The following CPQ variants were observed in gnomAD, a reference collection of about 807,000 sequenced individuals.
The protein encoded by CPQ is carboxypeptidase Q.
A neutral mutation model predicts 45.7 loss-of-function variants in CPQ; 37 were observed. That is an observed-to-expected ratio of 0.81 (90% CI 0.62 to 1.07). The LOEUF (loss-of-function observed/expected upper bound fraction) is 1.07. Among genes scored for constraint, CPQ ranks in the 50% least tolerant of loss-of-function variants. CPQ has a pLI of 0.00. For synonymous variants in CPQ, 186 were observed against 205.8 expected, an observed-to-expected ratio of 0.90 and a Z score of 0.82; for missense variants, 537 against 572.9, an observed-to-expected ratio of 0.94 and a Z score of 0.64.
chr8:96,955,689 G>A (rs1336732646), intron 4 of CPQ, among the ~76,000 whole-genome samples: 1 of 152,078 alleles, frequency 6.6e-6, no homozygotes, highest in African/African-American at 2.4e-5. Flanking sequence ...TAGACCAATG[G>A]AACAGAACAG....
intron 2 of CPQ, among the ~76,000 whole-genome samples, chr8:96,807,223 T>G (rs546528267): frequency 2.9e-5 from 3 of 103,856 alleles, no homozygotes; most frequent in South Asian, 2.6e-4. Context: ...AAAACTGCTG[T>G]TTTTTTTTTA....
chr8:96,847,758 GTTAA>G (rs1175000811), intron 3 of CPQ, among the ~76,000 whole-genome samples: 1 of 150,580 alleles, frequency 6.6e-6, no homozygotes, highest in Non-Finnish European at 1.5e-5. Context: ...CATAATTGCT[GTTAA>G]TTGTTAAAAT....
chr8:97,006,671 CAA>C (rs1391871046), intron 5 of CPQ, among the ~76,000 whole-genome samples: 1 of 152,086 alleles, frequency 6.6e-6, no homozygotes, highest in Non-Finnish European at 1.5e-5. Flanking sequence ...GTAAGGAAAA[CAA>C]AATACTTATT....
chr8:96,895,340 T>C (rs1812430353), intron 4 of CPQ, among the ~76,000 whole-genome samples: 1 of 152,238 alleles, frequency 6.6e-6, no homozygotes. Flanking sequence ...TTTTCTTCTA[T>C]GAGTATCTTT....
intron 2 of CPQ, among the ~76,000 whole-genome samples, chr8:96,795,353 G>A (rs1462458600): frequency 1.3e-5 from 2 of 152,074 alleles, no homozygotes; most frequent in South Asian, 2.1e-4. Context: ...CACCAGAAGA[G>A]CACAGGAAGC....
intron 4 of CPQ, among the ~76,000 whole-genome samples, chr8:96,963,701 C>T (rs1303373801): frequency 2.0e-5 from 3 of 152,132 alleles, no homozygotes; most frequent in Non-Finnish European, 4.4e-5. Context: ...ATAATATTCT[C>T]AGAGAAAGTG....
intron 7 of CPQ, among the ~76,000 whole-genome samples, chr8:97,124,332 T>C (rs1214969377): frequency 6.6e-6 from 1 of 151,998 alleles, no homozygotes; most frequent in Admixed American, 6.6e-5. Flanking sequence ...CATCTATAGT[T>C]GTGGCTGGAA....
At chr8:96,681,465 A>T (rs1333392176) in intron 1 of CPQ, among the ~76,000 whole-genome samples, 3 of 152,218 alleles carry the variant, frequency 2.0e-5, no homozygotes, top group Non-Finnish European at 2.9e-5. Flanking sequence ...CACAGAAGTC[A>T]AGAACTGAGG....
chr8:96,706,595 T>C (rs1246579414), intron 1 of CPQ, among the ~76,000 whole-genome samples: 1 of 152,176 alleles, frequency 6.6e-6, no homozygotes, highest in Non-Finnish European at 1.5e-5. Flanking sequence ...TTTGAAGGCA[T>C]GCATTTAAAG....
chr8:96,696,211 T>C (rs992265415), intron 1 of CPQ, among the ~76,000 whole-genome samples: 1 of 151,400 alleles, frequency 6.6e-6, no homozygotes, highest in Non-Finnish European at 1.5e-5. Context: ...AAACACCGCA[T>C]ATTCTCACTC....
chr8:96,886,196 T>C (rs1332207108), intron 4 of CPQ, among the ~76,000 whole-genome samples: 1 of 152,180 alleles, frequency 6.6e-6, no homozygotes. Flanking sequence ...CCAGAAGATC[T>C]TGGACAGTGT....
intron 6 of CPQ, among the ~76,000 whole-genome samples, chr8:97,053,983 A>G (rs1033639567): frequency 6.6e-6 from 1 of 152,088 alleles, no homozygotes; most frequent in Non-Finnish European, 1.5e-5. Flanking sequence ...GGCCCAAACA[A>G]CTGAAATGAG....
intron 1 of CPQ, among the ~76,000 whole-genome samples, chr8:96,784,399 T>TG (rs148121237): frequency 0.08 from 10,184 of 128,016 alleles, 403 homozygotes; most frequent in Middle Eastern, 0.14. Flanking sequence ...TGTTCTGAGG[T>TG]GGGGGGGGGG....
chr8:96,798,200 GT>G, intron 2 of CPQ, among the ~76,000 whole-genome samples: 1 of 151,638 alleles, frequency 6.6e-6, no homozygotes, highest in South Asian at 2.1e-4. Context: ...CACAATCATG[GT>G]TCACTGCAGC....
chr8:96,856,504 C>T (rs1811853129), intron 3 of CPQ, among the ~76,000 whole-genome samples: 1 of 152,212 alleles, frequency 6.6e-6, no homozygotes, highest in Non-Finnish European at 1.5e-5. Context: ...TGATCTCCCT[C>T]ATCAGGCTGT....
intron 7 of CPQ, among the ~76,000 whole-genome samples, chr8:97,073,651 A>G (rs758426626): frequency 1.8e-4 from 28 of 152,192 alleles, no homozygotes; most frequent in Admixed American, 1.8e-3. Flanking sequence ...AAACGCTGAG[A>G]CACTGAGGAG....
intron 1 of CPQ, among the ~76,000 whole-genome samples, chr8:96,645,673 G>A (rs898335928): frequency 3.9e-5 from 6 of 152,014 alleles, no homozygotes; most frequent in Non-Finnish European, 7.4e-5. Context: ...AGGGTGCTGC[G>A]GGACAGCAGC....
At chr8:96,961,970 A>T (rs112016573) in intron 4 of CPQ, among the ~76,000 whole-genome samples, 3,612 of 152,238 alleles carry the variant, frequency 0.024, 96 homozygotes, top group African/African-American at 0.066. Flanking sequence ...CATATGCACC[A>T]GTAACAGAGG....
At chr8:97,034,725 G>C (rs934884125) in intron 6 of CPQ, among the ~76,000 whole-genome samples, 30 of 152,132 alleles carry the variant, frequency 2.0e-4, no homozygotes, top group African/African-American at 7.0e-4. Context: ...CTCTACCAAA[G>C]ACAACTACTA....
Sources: gnomAD v4.1 joint callset for allele counts (sites outside exome capture counted in the v4.1 genomes callset) on GRCh38, gnomAD v4.1.1 for gene constraint, MANE v1.5 for transcripts, NCBI Gene and HGNC (gene_info 2026-07-23, HGNC 2026-07-21) for gene names.